Variants in RASSF8 observed in about 807,000 individuals in gnomAD.
RASSF8 encodes Ras association domain family member 8, also known as ras association domain-containing protein 8.
In RASSF8, 22 loss-of-function variants were observed where a neutral mutation model predicts 48.5. The ratio of observed to expected loss-of-function variants is 0.45; its 90% CI spans 0.32 to 0.65. RASSF8 has a LOEUF of 0.65. RASSF8 is among the 30% of genes least tolerant of loss of function. The pLI, the probability that RASSF8 is intolerant of heterozygous loss-of-function variation, is 0.03. For synonymous variants in RASSF8, 127 were observed against 171.5 expected (o/e 0.74, Z 2.03); for missense variants, 418 against 489.2 (o/e 0.85, Z 1.37).
At chr12:25,992,666 A>G (rs1942041402) in intron 1 of RASSF8, among the ~76,000 whole-genome samples, 1 of 152,138 alleles carries the variant, frequency 6.6e-6, no homozygotes, top group Non-Finnish European at 1.5e-5. Flanking sequence ...GGGTGAGGTA[A>G]TGCATGCTAC....
In RASSF8 at chr12:26,069,316, C is replaced by T; in HGVS notation, c.*498C>T. The T allele has an allele frequency of 5.1e-6, 5 of 985,188 alleles. No homozygotes were observed. Among genetic ancestry groups the T allele is most frequent in the Non-Finnish European group, 6.0e-6 (5 of 829,394 alleles). The allele number at this position is 985,188 out of a possible 1,614,324, so 61.0% of individuals were successfully genotyped here. A position where few individuals can be genotyped will look rare whatever the true frequency, so the allele number is the denominator to read the frequency against. On this transcript the variant is annotated 3_prime_UTR_variant, in exon 6 of 6. Transcript: ENST00000689635. ...ATCCATGCATTGCTGATTTACACTA[C>T]ACAAGTGTCCTAGGGTGCTCCACCA...
At chr12:26,047,117 T>C (rs574485511) in intron 2 of RASSF8, among the ~76,000 whole-genome samples, 2 of 152,054 alleles carry the variant, frequency 1.3e-5, no homozygotes, top group Admixed American at 6.6e-5. Flanking sequence ...CTCTGGAGGG[T>C]TGCAAAGTAG....
chr12:26,068,422 A>G (rs1284020664), intron 5 of RASSF8, among the ~76,000 whole-genome samples: 1 of 152,178 alleles, frequency 6.6e-6, no homozygotes, highest in Admixed American at 6.5e-5. Flanking sequence ...AGACAATTCC[A>G]AATCTGTGTA....
intron 2 of RASSF8, among the ~76,000 whole-genome samples, chr12:26,037,408 AC>A (rs1162464330): frequency 6.6e-6 from 1 of 152,216 alleles, no homozygotes; most frequent in Non-Finnish European, 1.5e-5. Context: ...AAATTTTCTT[AC>A]AAGGTATTTC....
At chr12:26,079,371 T>G (rs762156369) in exon 6 of RASSF8, 17 of 205,550 alleles carry the variant, frequency 8.3e-5, no homozygotes, top group African/African-American at 2.6e-4. Flanking sequence ...AATCACAAGG[T>G]CAGGAGACTG....
At chr12:26,079,117 G>A in exon 6 of RASSF8, 1 of 1,408,656 alleles carries the variant, frequency 7.1e-7, no homozygotes, top group Non-Finnish European at 9.7e-7. Context: ...AAATGAACAA[G>A]TGGGACTACA....
intron 2 of RASSF8, among the ~76,000 whole-genome samples, chr12:25,995,442 A>T (rs532181614): frequency 6.6e-6 from 1 of 152,198 alleles, no homozygotes; most frequent in African/African-American, 2.4e-5. Context: ...GTGTGTCACC[A>T]CTCTTGGGCT....
At chr12:26,068,087 A>G (rs918613011) in intron 5 of RASSF8, among the ~76,000 whole-genome samples, 4 of 152,276 alleles carry the variant, frequency 2.6e-5, no homozygotes, top group Admixed American at 6.5e-5. Context: ...TTAACTTTGA[A>G]TAAACTACTT....
intron 2 of RASSF8, among the ~76,000 whole-genome samples, chr12:26,006,206 C>T (rs1942387033): frequency 6.6e-6 from 1 of 152,152 alleles, no homozygotes; most frequent in Admixed American, 6.5e-5. Context: ...TCTTCCCTTC[C>T]CTTCAGGATG....
chr12:25,982,406 A>G (rs181684831), intron 1 of RASSF8, among the ~76,000 whole-genome samples: 5 of 152,348 alleles, frequency 3.3e-5, no homozygotes, highest in African/African-American at 1.2e-4. Context: ...GCTCAGTATA[A>G]TGGCTGTTTA....
chr12:26,051,145 A>T (rs1300787305), intron 2 of RASSF8, among the ~76,000 whole-genome samples: 1 of 152,144 alleles, frequency 6.6e-6, no homozygotes, highest in Non-Finnish European at 1.5e-5. Flanking sequence ...ACTCTCCGAG[A>T]CTCACTTTTC....
intron 2 of RASSF8, among the ~76,000 whole-genome samples, chr12:26,001,928 G>A (rs1201302558): frequency 6.6e-6 from 1 of 152,202 alleles, no homozygotes; most frequent in Non-Finnish European, 1.5e-5. Context: ...AAGACTGGCA[G>A]TGCAGTGAGT....
intron 2 of RASSF8, among the ~76,000 whole-genome samples, chr12:26,002,553 A>G (rs1942286308): frequency 6.6e-6 from 1 of 152,140 alleles, no homozygotes; most frequent in Admixed American, 6.5e-5. Context: ...AGGCGGGCAG[A>G]TCACGAGGTC....
intron 2 of RASSF8, among the ~76,000 whole-genome samples, chr12:26,043,125 A>G (rs1286214574): frequency 6.6e-6 from 1 of 152,216 alleles, no homozygotes; most frequent in Non-Finnish European, 1.5e-5. Flanking sequence ...TAATAGGACA[A>G]TCAGAGGAGT....
At chr12:25,980,033 T>G (rs16929815) in intron 1 of RASSF8, among the ~76,000 whole-genome samples, 17,265 of 152,198 alleles carry the variant, frequency 0.11, 1,317 homozygotes, top group Admixed American at 0.19. Context: ...AGAGTGGTAG[T>G]TACGAAAATT....
intron 4 of RASSF8, among the ~76,000 whole-genome samples, chr12:26,066,101 AG>A (rs1359666100): frequency 5.3e-5 from 8 of 152,214 alleles, no homozygotes; most frequent in African/African-American, 1.9e-4. Context: ...TTAAATAATA[AG>A]GCAGTTAAAT....
intron 1 of RASSF8, 134 bp from the exon 2 acceptor site, chr12:25,994,903 A>G (rs958056329): frequency 6.6e-6 from 1 of 152,242 alleles, no homozygotes; most frequent in Non-Finnish European, 1.5e-5. Flanking sequence ...CAGGGGAGGA[A>G]AATTCTTAGG....
chr12:26,053,774 C>G (rs2137232880), intron 2 of RASSF8, among the ~76,000 whole-genome samples: 1 of 152,234 alleles, frequency 6.6e-6, no homozygotes, highest in East Asian at 1.9e-4. Flanking sequence ...GTGTCATATG[C>G]AGAGAGCTAA....
Position 26,033,435 on chromosome 12 carries a change from T to G in RASSF8, c.-108-21801T>G, listed in dbSNP as rs1000956559. On this transcript the variant is annotated intron_variant, in intron 2 of 5. Transcript: ENST00000689635. The stretch of plus-strand genomic sequence containing the variant: ...TCCACATCTTTTTATATTTTTCCAC[T>G]ATATTTGTGTTAAAGCTTAGGTATT... Among the ~76,000 whole-genome samples the G allele has an allele frequency of 2.6e-5, 4 of 152,298 alleles. No homozygotes were observed. The East Asian group carries it at 7.7e-4, about 29-fold the overall frequency.
Sources: allele counts gnomAD v4.1 joint callset (sites outside exome capture counted in the v4.1 genomes callset), GRCh38; gene constraint gnomAD v4.1.1; transcripts MANE v1.5; gene names NCBI Gene and HGNC (gene_info 2026-07-23, HGNC 2026-07-21).